The following SPIRE1 variants were observed in gnomAD, a reference collection of about 807,000 sequenced individuals.
The protein encoded by SPIRE1 is protein spire homolog 1.
A neutral mutation model predicts 94.1 loss-of-function variants in SPIRE1; 40 were observed. The ratio of observed to expected loss-of-function variants is 0.43; its 90% CI spans 0.33 to 0.55. SPIRE1 has a LOEUF of 0.55. SPIRE1 is among the 20% of genes least tolerant of loss of function. The pLI is 0.06. For missense variants in SPIRE1, 838 were observed against 975.2 expected (o/e 0.86, Z 1.87); for synonymous variants, 376 against 371.7 (o/e 1.01, Z -0.13).
Position 12,657,753 on chromosome 18 carries a change from G to T in SPIRE1, c.114C>A (p.Asp38Glu), listed in dbSNP as rs1463847817. 1 of 1,360,636 alleles carries T rather than the reference G, an allele frequency of 7.3e-7. No individual in the cohort carries two copies. Among genetic ancestry groups the T allele is most frequent in the East Asian group, 3.3e-5 (1 of 29,966 alleles). 84.3% of individuals were successfully genotyped at this position (1,360,636 alleles called of 1,614,324 possible). The change falls in exon 1 of 17, where the codon GAC becomes GAA. Residue 38 changes from aspartate to glutamate, a missense_variant. Transcript: ENST00000409402. ...AAGGAAGGSR[D>E]ALSLEEILRL... is the part of the protein sequence containing the mutation. ...GCAGGATCTCCTCCAGGCTCAGCGCGTCCCGGGAGCCCCCGGCCGCGCCGC... is the reference window on the plus strand; with the variant it reads ...GCAGGATCTCCTCCAGGCTCAGCGCTTCCCGGGAGCCCCCGGCCGCGCCGC...
chr18:12,484,002 C>G (rs1047964117), intron 9 of SPIRE1, among the ~76,000 whole-genome samples: 4 of 152,148 alleles, frequency 2.6e-5, no homozygotes, highest in South Asian at 2.1e-4. Context: ...TCTCTGCTAC[C>G]CTTTTACACT....
intron 4 of SPIRE1, among the ~76,000 whole-genome samples, chr18:12,531,886 C>T (rs2034693463): frequency 6.6e-6 from 1 of 152,178 alleles, no homozygotes; most frequent in African/African-American, 2.4e-5. Flanking sequence ...AGCACAGGCT[C>T]ACCAGCTACC....
chr18:12,626,042 G>GCCC (rs35890423), intron 2 of SPIRE1, among the ~76,000 whole-genome samples: 2,952 of 121,162 alleles, frequency 0.024, 118 homozygotes, highest in South Asian at 0.048. Context: ...ACACCGCCCC[G>GCCC]CCCCCCCCCA....
intron 2 of SPIRE1, among the ~76,000 whole-genome samples, chr18:12,631,517 G>C (rs2037773310): frequency 8.8e-6 from 1 of 114,092 alleles, no homozygotes; most frequent in Non-Finnish European, 1.6e-5. Flanking sequence ...TTGGAGACCA[G>C]CCTGGGCAAC....
intron 2 of SPIRE1, among the ~76,000 whole-genome samples, chr18:12,591,995 C>CAAAAAAAAAAAA (rs2036549400): frequency 8.5e-6 from 1 of 117,894 alleles, no homozygotes; most frequent in African/African-American, 3.3e-5. Flanking sequence ...AAAAAAAAAT[C>CAAAAAAAAAAAA]AAGAATAGGT....
At chr18:12,647,976 A>C (rs115679343) in intron 1 of SPIRE1, among the ~76,000 whole-genome samples, 3,262 of 152,290 alleles carry the variant, frequency 0.021, 120 homozygotes, top group African/African-American at 0.07. Context: ...ATATCAAAGG[A>C]ACCCAGGAGC....
intron 10 of SPIRE1, among the ~76,000 whole-genome samples, chr18:12,475,510 C>A (rs1280591062): frequency 6.7e-6 from 1 of 149,742 alleles, no homozygotes; most frequent in East Asian, 1.9e-4. Context: ...TGGAGTGGTA[C>A]TGGAAAAAAA....
chr18:12,598,656 G>T (rs2036746487), intron 2 of SPIRE1, among the ~76,000 whole-genome samples: 1 of 152,096 alleles, frequency 6.6e-6, no homozygotes, highest in Non-Finnish European at 1.5e-5. Flanking sequence ...AAAAGGCAAG[G>T]ATATCGACTG....
At chr18:12,659,676 A>G (rs1045661820), upstream of SPIRE1, among the ~76,000 whole-genome samples, 1 of 152,158 alleles carries the variant, frequency 6.6e-6, no homozygotes, top group Non-Finnish European at 1.5e-5. Flanking sequence ...TCTCAAAAAA[A>G]TAAATAATAA....
intron 2 of SPIRE1, among the ~76,000 whole-genome samples, chr18:12,601,394 G>T (rs757896215): frequency 6.6e-6 from 1 of 152,052 alleles, no homozygotes; most frequent in Non-Finnish European, 1.5e-5. Flanking sequence ...CTGCACTCCA[G>T]CCTGGGCGAT....
intron 13 of SPIRE1, 133 bp downstream of exon 13, chr18:12,454,213 G>T: frequency 9.8e-7 from 1 of 1,019,376 alleles, no homozygotes; most frequent in Non-Finnish European, 1.5e-6. Context: ...TGTCTACTAG[G>T]ATATGAACAT....
At chr18:12,610,701 C>A (rs919380177) in intron 2 of SPIRE1, among the ~76,000 whole-genome samples, 4 of 152,102 alleles carry the variant, frequency 2.6e-5, no homozygotes, top group Non-Finnish European at 4.4e-5. Flanking sequence ...AATGCTCCCC[C>A]CAAAACCACG....
rs200280810 is a variant in SPIRE1, at chr18:12,583,480, T to TA, written c.373-36577dup. On this transcript the variant is annotated intron_variant, in intron 2 of 16. Coordinates refer to ENST00000409402, the MANE Select transcript of SPIRE1 (RefSeq NM_001128626.2). ...AGCTGGGCATGGTGGCACATGCCTG[T>TA]AGTCCCAGCTACTCGGGAGGCTGAC... is the stretch of plus-strand genomic sequence containing the variant. 7.4e-3 allele frequency among the ~76,000 whole-genome samples: 1,132 copies of TA among 152,282 alleles called. 7 individuals are homozygous for TA. The highest frequency in any genetic ancestry group is 0.012 in the Non-Finnish European group (834 of 68,018).
rs756522541 is a variant in SPIRE1, at chr18:12,506,614, C to T, written c.835G>A (p.Asp279Asn). ...WARFWVQVMRDLRNGVKLKKV... is the reference protein window; with the variant it reads ...WARFWVQVMRNLRNGVKLKKV... ...TTAAGTTTTACCCCATTCCTCAAAT[C>T]CCTCATCACCTGTACCCAGAATCGT... Residue 279 changes from aspartate to asparagine, a missense_variant, in exon 6 of 17, where the codon GAT becomes AAT. This residue lies in a region of SPIRE1 where 645 missense variants were observed against 804.7 expected (regional missense o/e 0.80). Transcript: ENST00000409402. 4 of 1,614,092 alleles carry T rather than the reference C, an allele frequency of 2.5e-6. No homozygotes were observed. In the South Asian group the frequency reaches 3.3e-5, roughly 13 times the overall value.
chr18:12,600,991 A>C (rs920115876), intron 2 of SPIRE1, among the ~76,000 whole-genome samples: 4 of 152,094 alleles, frequency 2.6e-5, no homozygotes, highest in African/African-American at 9.7e-5. Context: ...TAAACAGCTG[A>C]GGTTACAGGC....
intron 2 of SPIRE1, among the ~76,000 whole-genome samples, chr18:12,576,202 A>G (rs79767789): frequency 5.3e-5 from 8 of 151,340 alleles, no homozygotes; most frequent in African/African-American, 1.9e-4. Context: ...GACTCGTCTC[A>G]AAAAAAAGAA....
At chr18:12,461,422 G>GTGTGTGTATGTATGTATATACATACA (rs774740394) in intron 12 of SPIRE1, among the ~76,000 whole-genome samples, 2 of 127,704 alleles carry the variant, frequency 1.6e-5, no homozygotes, top group Non-Finnish European at 3.3e-5. Flanking sequence ...GTATGTGTGT[G>GTGTGTGTATGTATGTATATACATACA]TGTGTGTATG....
At chr18:12,634,799 G>A (rs2037878159) in intron 2 of SPIRE1, among the ~76,000 whole-genome samples, 1 of 152,156 alleles carries the variant, frequency 6.6e-6, no homozygotes, top group Non-Finnish European at 1.5e-5. Context: ...GCTGAGCGTG[G>A]TGGTGGGTGC....
intron 2 of SPIRE1, among the ~76,000 whole-genome samples, chr18:12,570,462 C>A (rs1432674455): frequency 2.6e-5 from 4 of 152,170 alleles, no homozygotes; most frequent in Non-Finnish European, 5.9e-5. Flanking sequence ...CCCCTCTTTT[C>A]CAGCTTAAAA....
Sources: gnomAD v4.1 joint callset for allele counts (sites outside exome capture counted in the v4.1 genomes callset) on GRCh38, gnomAD v4.1.1 for gene constraint, gnomAD v4.1.1 regional missense constraint, MANE v1.5 for transcripts, NCBI Gene and HGNC (gene_info 2026-07-23, HGNC 2026-07-21) for gene names.